GARIN5A: variants seen among roughly 807,000 people sequenced by gnomAD.
The protein encoded by GARIN5A is golgi associated RAB2 interactor 5A.
chr19:50,473,492 C>A, the GARIN5A span, among the ~76,000 whole-genome samples: 1 of 152,186 alleles, frequency 6.6e-6, no homozygotes, highest in Non-Finnish European at 1.5e-5. Flanking sequence ...TAGCTAGGAC[C>A]ACATGTATGT....
chr19:50,471,676 A>G, the GARIN5A span, among the ~76,000 whole-genome samples: 7 of 151,210 alleles, frequency 4.6e-5, no homozygotes, highest in Non-Finnish European at 1.0e-4. Context: ...GTATACGCAT[A>G]CATGCACGTG....
chr19:50,473,698 G>GA, the GARIN5A span, among the ~76,000 whole-genome samples: 1 of 151,198 alleles, frequency 6.6e-6, no homozygotes, highest in African/African-American at 2.4e-5. Flanking sequence ...TCAAAAAAGT[G>GA]AAAGCCAGAC....
the GARIN5A span, among the ~76,000 whole-genome samples, chr19:50,474,112 A>G: frequency 6.6e-6 from 1 of 151,842 alleles, no homozygotes; most frequent in Admixed American, 6.6e-5. Flanking sequence ...TCTGCTGTCT[A>G]TTTTGTGCTT....
the GARIN5A span, among the ~76,000 whole-genome samples, chr19:50,469,872 T>G: frequency 6.2e-3 from 939 of 152,230 alleles, 10 homozygotes; most frequent in Non-Finnish European, 0.01. Context: ...CAAACCCCAG[T>G]GTCCCTCAGT....
the GARIN5A span, chr19:50,476,448 C>A: frequency 1.9e-6 from 3 of 1,559,030 alleles, no homozygotes; most frequent in East Asian, 4.6e-5. Context: ...CGGGGCCCAG[C>A]GCAGGCGCAC....
At chr19:50,471,601 C>T in the GARIN5A span, among the ~76,000 whole-genome samples, 1 of 151,828 alleles carries the variant, frequency 6.6e-6, no homozygotes, top group South Asian at 2.1e-4. Flanking sequence ...AGGATGGATC[C>T]ATATATATGT....
chr19:50,467,739 G>A, the GARIN5A span: 1 of 1,609,012 alleles, frequency 6.2e-7, no homozygotes, highest in Non-Finnish European at 8.5e-7. Flanking sequence ...GCAGCTGCAA[G>A]TAGAAGGTGC....
chr19:50,474,432 G>A, the GARIN5A span, among the ~76,000 whole-genome samples: 80,037 of 149,104 alleles, frequency 0.54, 21,963 homozygotes, highest in South Asian at 0.67. Flanking sequence ...TGCAACCTCC[G>A]CCTCCTGGGT....
At chr19:50,470,001 G>A in the GARIN5A span, among the ~76,000 whole-genome samples, 37 of 152,300 alleles carry the variant, frequency 2.4e-4, no homozygotes, top group African/African-American at 8.7e-4. Context: ...CTTATGGGGT[G>A]TGCTCTCCTC....
the GARIN5A span, among the ~76,000 whole-genome samples, chr19:50,470,513 CAA>C: frequency 8.6e-5 from 11 of 127,950 alleles, no homozygotes; most frequent in East Asian, 6.9e-4. Flanking sequence ...GGCTCCGTCT[CAA>C]AAAAAAAAAA....
the GARIN5A span, chr19:50,476,082 G>T: frequency 6.2e-7 from 1 of 1,609,964 alleles, no homozygotes. Context: ...ATCCTACTTG[G>T]TTCCTTCACC....
chr19:50,467,793 G>C, the GARIN5A span: 2 of 1,613,026 alleles, frequency 1.2e-6, no homozygotes, highest in South Asian at 2.2e-5. Context: ...GGCTTTTGTC[G>C]TGGACAAAGA....
chr19:50,467,630 C>G, the GARIN5A span: 208 of 1,561,108 alleles, frequency 1.3e-4, no homozygotes, highest in Non-Finnish European at 1.7e-4. Flanking sequence ...ACCTCTTACT[C>G]CTGCGTGAAG....
At chr19:50,476,216 G>A in the GARIN5A span, 1 of 1,613,644 alleles carries the variant, frequency 6.2e-7, no homozygotes, top group Non-Finnish European at 8.5e-7. Flanking sequence ...GTCCCCGTCC[G>A]ACGGGAGCGG....
the GARIN5A span, among the ~76,000 whole-genome samples, chr19:50,472,107 CGTGT>C: frequency 8.0e-6 from 1 of 124,718 alleles, no homozygotes; most frequent in African/African-American, 3.5e-5. Context: ...TGTATATATA[CGTGT>C]GTATATGTAT....
the GARIN5A span, chr19:50,476,544 G>C: frequency 1.9e-6 from 3 of 1,572,428 alleles, no homozygotes; most frequent in South Asian, 3.4e-5. Context: ...AAGAAGCCGA[G>C]ATGGCGGCAG....
At chr19:50,472,967 G>A in the GARIN5A span, among the ~76,000 whole-genome samples, 1 of 152,176 alleles carries the variant, frequency 6.6e-6, no homozygotes, top group Non-Finnish European at 1.5e-5. Context: ...AGGATCACTT[G>A]AGGCCCGGAG....
the GARIN5A span, chr19:50,476,472 C>T: frequency 1.0e-5 from 16 of 1,571,470 alleles, no homozygotes; most frequent in Admixed American, 3.5e-5. Flanking sequence ...CGTCAGGATG[C>T]GGCCTGTTCC....
chr19:50,472,191 T>TGCGTGTATATAC, the GARIN5A span, among the ~76,000 whole-genome samples: 1 of 145,890 alleles, frequency 6.9e-6, no homozygotes, highest in African/African-American at 2.7e-5. Flanking sequence ...TGTATACATG[T>TGCGTGTATATAC]ATGTGTGCAT....
Sources: gnomAD v4.1 joint callset for allele counts (sites outside exome capture counted in the v4.1 genomes callset) on GRCh38, gnomAD v4.1.1 for gene constraint, MANE v1.5 for transcripts, NCBI Gene and HGNC (gene_info 2026-07-23, HGNC 2026-07-21) for gene names.